Variants in CHSY3 observed in about 807,000 individuals in gnomAD.
The protein encoded by CHSY3 is chondroitin sulfate synthase 3, also known as N-acetylgalactosaminyl-proteoglycan 3-beta-glucuronosyltransferase 3.
In CHSY3, 35 loss-of-function variants were observed where a neutral mutation model predicts 67.2. That is an observed-to-expected ratio of 0.52 (90% CI 0.40 to 0.69). CHSY3 has a LOEUF of 0.69. Among genes scored for constraint, CHSY3 ranks in the 30% least tolerant of loss-of-function variants. The probability of loss-of-function intolerance (pLI) is 0.00; values close to 1 mark genes in which losing one functional copy is unlikely to be tolerated. For missense variants in CHSY3, 1,069 were observed against 1,138.5 expected (o/e 0.94, Z 0.88); for synonymous variants, 474 against 434.7 (o/e 1.09, Z -1.12).
At chr5:129,967,517 C>T (rs370208426) in intron 2 of CHSY3, among the ~76,000 whole-genome samples, 3 of 151,868 alleles carry the variant, frequency 2.0e-5, no homozygotes, top group African/African-American at 4.8e-5. Flanking sequence ...ATTTACCAGT[C>T]GCTGCTATTT....
intron 2 of CHSY3, among the ~76,000 whole-genome samples, chr5:130,126,294 A>T (rs1000146251): frequency 1.1e-4 from 11 of 101,832 alleles, no homozygotes; most frequent in Admixed American, 8.2e-4. Flanking sequence ...AGGCTGAGTT[A>T]AAAAAAAAAA....
intron 1 of CHSY3, among the ~76,000 whole-genome samples, chr5:129,906,146 A>G (rs1760285710): frequency 6.6e-6 from 1 of 152,124 alleles, no homozygotes; most frequent in Non-Finnish European, 1.5e-5. Context: ...GGAACTGCTC[A>G]GATTGAGGAA....
chr5:130,182,852 AAT>A (rs1476534004), intron 2 of CHSY3, among the ~76,000 whole-genome samples: 1 of 151,828 alleles, frequency 6.6e-6, no homozygotes, highest in Non-Finnish European at 1.5e-5. Context: ...TGCTTCTTGC[AAT>A]ATGTCTATCA....
intron 2 of CHSY3, among the ~76,000 whole-genome samples, chr5:130,094,311 T>C (rs1219150337): frequency 3.3e-5 from 5 of 152,180 alleles, no homozygotes; most frequent in Non-Finnish European, 7.4e-5. Flanking sequence ...TAATTTTATA[T>C]ATATTTAGGC....
chr5:130,012,144 C>G (rs1764082018), intron 2 of CHSY3, among the ~76,000 whole-genome samples: 1 of 152,092 alleles, frequency 6.6e-6, no homozygotes, highest in Non-Finnish European at 1.5e-5. Flanking sequence ...GTAATCAAAG[C>G]AATCATAAGC....
At chr5:129,906,749 A>AGGG (rs926711853) in intron 1 of CHSY3, among the ~76,000 whole-genome samples, 36 of 152,284 alleles carry the variant, frequency 2.4e-4, no homozygotes, top group African/African-American at 8.4e-4. Context: ...TCCCGGTCAA[A>AGGG]GGGGGGCAGC....
At chr5:130,115,154 A>C (rs1197137469) in intron 2 of CHSY3, among the ~76,000 whole-genome samples, 2 of 152,034 alleles carry the variant, frequency 1.3e-5, no homozygotes, top group Non-Finnish European at 2.9e-5. Context: ...AATGAGATTG[A>C]AAGATTACAG....
chr5:129,970,525 T>TA (rs935753918), intron 2 of CHSY3, among the ~76,000 whole-genome samples: 14 of 151,906 alleles, frequency 9.2e-5, no homozygotes, highest in Non-Finnish European at 1.5e-4. Flanking sequence ...GAATAATGCT[T>TA]ACATTTGATC....
intron 2 of CHSY3, among the ~76,000 whole-genome samples, chr5:129,993,811 G>T (rs1188434040): frequency 6.6e-6 from 1 of 151,388 alleles, no homozygotes; most frequent in Non-Finnish European, 1.5e-5. Flanking sequence ...AGCCTCGATG[G>T]TCTTTACAAT....
intron 2 of CHSY3, chr5:130,001,890 G>T (rs1763737632): frequency 1.1e-6 from 1 of 926,098 alleles, no homozygotes; most frequent in African/African-American, 1.8e-5. Context: ...AAAGGTAATG[G>T]TGGAAGCTGA....
intron 2 of CHSY3, among the ~76,000 whole-genome samples, chr5:130,061,172 C>T (rs1765700566): frequency 6.6e-6 from 1 of 152,028 alleles, no homozygotes; most frequent in Non-Finnish European, 1.5e-5. Context: ...TACTACAAGG[C>T]CATAGCAACT....
At chr5:130,115,084 G>T (rs1268551042) in intron 2 of CHSY3, among the ~76,000 whole-genome samples, 4 of 146,652 alleles carry the variant, frequency 2.7e-5, no homozygotes, top group African/African-American at 7.5e-5. Context: ...TTGTTCAAAG[G>T]TTTTTTTTTT....
chr5:129,925,441 T>C (rs1475046763), intron 2 of CHSY3, among the ~76,000 whole-genome samples: 2 of 152,144 alleles, frequency 1.3e-5, no homozygotes, highest in Non-Finnish European at 2.9e-5. Flanking sequence ...AAAATTTTAT[T>C]TTTCAGTTGA....
chr5:130,115,320 A>G (rs1158377096), intron 2 of CHSY3, among the ~76,000 whole-genome samples: 1 of 152,056 alleles, frequency 6.6e-6, no homozygotes, highest in Non-Finnish European at 1.5e-5. Flanking sequence ...ATGGTAATAT[A>G]TTTATATAAT....
intron 2 of CHSY3, among the ~76,000 whole-genome samples, chr5:130,080,866 A>C (rs1434340953): frequency 6.6e-6 from 1 of 152,106 alleles, no homozygotes; most frequent in Non-Finnish European, 1.5e-5. Flanking sequence ...CAAAAAAGAC[A>C]CATTAATAGG....
chr5:129,999,458 G>T (rs552946158), intron 2 of CHSY3, among the ~76,000 whole-genome samples: 1 of 152,238 alleles, frequency 6.6e-6, no homozygotes, highest in South Asian at 2.1e-4. Context: ...GAAGATCTAG[G>T]CAATGATAAT....
At chr5:129,963,011 A>G (rs1561475421) in intron 2 of CHSY3, among the ~76,000 whole-genome samples, 1 of 151,908 alleles carries the variant, frequency 6.6e-6, no homozygotes, top group Non-Finnish European at 1.5e-5. Context: ...GGTTGCTGGG[A>G]GCCTCAAAGG....
chr5:130,173,220 G>C (rs1769946416), intron 2 of CHSY3, among the ~76,000 whole-genome samples: 1 of 151,566 alleles, frequency 6.6e-6, no homozygotes, highest in Non-Finnish European at 1.5e-5. Context: ...ATTTGGGGAG[G>C]GATTTCCTTC....
chr5:130,148,047 A>G (rs1769123181), intron 2 of CHSY3, among the ~76,000 whole-genome samples: 1 of 151,880 alleles, frequency 6.6e-6, no homozygotes, highest in Non-Finnish European at 1.5e-5. Flanking sequence ...CTTTATGTGT[A>G]TATGTGTTCT....
Sources: allele counts gnomAD v4.1 joint callset (sites outside exome capture counted in the v4.1 genomes callset), GRCh38; gene constraint gnomAD v4.1.1; transcripts MANE v1.5; gene names NCBI Gene and HGNC (gene_info 2026-07-23, HGNC 2026-07-21).